The following B4GALT6 variants were observed in gnomAD, a reference collection of about 807,000 sequenced individuals.
B4GALT6 encodes UDP-Gal:beta-GlcNAc beta-1,4-galactosyltransferase 6.
Under a neutral mutation model 46.3 loss-of-function variants are expected in B4GALT6, and 14 were observed. The ratio of observed to expected loss-of-function variants is 0.30; its 90% CI spans 0.20 to 0.47. B4GALT6 has a LOEUF of 0.47. Ranked by LOEUF, B4GALT6 falls within the 20% of genes least tolerant of loss-of-function variation. The probability of loss-of-function intolerance (pLI) is 0.99; values close to 1 mark genes in which losing one functional copy is unlikely to be tolerated. For missense variants in B4GALT6, 386 were observed against 480.1 expected (o/e 0.80, Z 1.83); for synonymous variants, 168 against 162.0 (o/e 1.04, Z -0.28).
intron 3 of B4GALT6, among the ~76,000 whole-genome samples, chr18:31,648,826 G>C (rs2074024188): frequency 6.6e-6 from 1 of 152,164 alleles, no homozygotes; most frequent in Non-Finnish European, 1.5e-5. Flanking sequence ...ATAATCTCCA[G>C]AGAGTTGTTT....
At chr18:31,647,613 C>T (rs1435677720) in intron 3 of B4GALT6, among the ~76,000 whole-genome samples, 4 of 152,142 alleles carry the variant, frequency 2.6e-5, no homozygotes, top group African/African-American at 7.2e-5. Flanking sequence ...AGAGCAACAT[C>T]GCTATACTGG....
chr18:31,647,851 G>A (rs2074010694), intron 3 of B4GALT6, among the ~76,000 whole-genome samples: 3 of 152,144 alleles, frequency 2.0e-5, no homozygotes. Context: ...CCGTCCTTGG[G>A]AAGGACCTCT....
At position 31,646,775 on chromosome 18, in the gene B4GALT6, C is replaced by T. The variant is rs544303194; in HGVS notation, c.347-1296G>A. ...GCCTCTCTTCCTGTCCCCACTTCAT[C>T]CTAACCAGGCAGAGCTGTCTGTAGC... On this transcript the variant is annotated intron_variant, in intron 3 of 8. Transcript: ENST00000306851. 1.1e-4 allele frequency among the ~76,000 whole-genome samples: 17 copies of T among 152,356 alleles called. 1 individual carries two copies. The East Asian group carries it at 2.3e-3, about 21-fold the overall frequency.
Position 31,631,115 on chromosome 18 carries a change from A to G in B4GALT6, c.620T>C (p.Leu207Pro). Residue 207 changes from leucine to proline, a missense_variant, in exon 6 of 9, where the codon CTT becomes CCT. Transcript: ENST00000306851. ...GGCCTCTTTGAAGCCCACATTGAAAAGCATCGCACGGTTAAAAGGTTGTGT... is the reference window on the plus strand; with the variant it reads ...GGCCTCTTTGAAGCCCACATTGAAAGGCATCGCACGGTTAAAAGGTTGTGT... ...TGTQPFNRAM[L>P]FNVGFKEAMK... 6.2e-7 allele frequency: 1 copy of G among 1,614,112 alleles called. No homozygotes were observed. The highest frequency in any genetic ancestry group is 8.5e-7 in the Non-Finnish European group (1 of 1,180,018).
chr18:31,712,287 A>AGTTTTTTTT, the B4GALT6 span, among the ~76,000 whole-genome samples: 1 of 84,642 alleles, frequency 1.2e-5, no homozygotes, highest in Non-Finnish European at 2.1e-5. Context: ...CTGGGACGTT[A>AGTTTTTTTT]TTTTTTTTTT....
the B4GALT6 span, among the ~76,000 whole-genome samples, chr18:31,704,753 A>G: frequency 1.3e-5 from 2 of 152,160 alleles, no homozygotes; most frequent in Non-Finnish European, 2.9e-5. Context: ...TTTTTTTCAT[A>G]TTAAAGTTAA....
the B4GALT6 span, among the ~76,000 whole-genome samples, chr18:31,690,995 G>C: frequency 2.6e-5 from 4 of 151,936 alleles, no homozygotes; most frequent in South Asian, 4.1e-4. Context: ...TCAGTGGGGT[G>C]GGGGGCAAGG....
chr18:31,696,387 G>T, the B4GALT6 span, among the ~76,000 whole-genome samples: 1 of 152,146 alleles, frequency 6.6e-6, no homozygotes, highest in African/African-American at 2.4e-5. Context: ...ATTCCATTTA[G>T]ATTCTCTTGG....
chr18:31,644,849 T>C (rs1244346877), intron 4 of B4GALT6, among the ~76,000 whole-genome samples: 1 of 152,260 alleles, frequency 6.6e-6, no homozygotes, highest in African/African-American at 2.4e-5. Context: ...AGTCCCACAG[T>C]GATCTCTGAG....
chr18:31,665,063 G>T (rs987167131), intron 2 of B4GALT6, among the ~76,000 whole-genome samples: 4 of 152,222 alleles, frequency 2.6e-5, no homozygotes, highest in African/African-American at 9.6e-5. Flanking sequence ...TTTTAGAAGG[G>T]TCTAAAACTA....
At chr18:31,713,511 G>GTGA in the B4GALT6 span, among the ~76,000 whole-genome samples, 4 of 152,122 alleles carry the variant, frequency 2.6e-5, no homozygotes. Context: ...TTTCTGAGAG[G>GTGA]TGAAGGGACT....
the B4GALT6 span, chr18:31,719,008 TC>T: frequency 6.6e-6 from 1 of 152,116 alleles, no homozygotes; most frequent in African/African-American, 2.4e-5. Context: ...TACATGTGCG[TC>T]CCTCCTGAAG....
chr18:31,659,191 C>A (rs2074180929), intron 2 of B4GALT6, among the ~76,000 whole-genome samples: 1 of 152,154 alleles, frequency 6.6e-6, no homozygotes, highest in African/African-American at 2.4e-5. Context: ...TGAAGATATT[C>A]TTTGAATGTT....
At chr18:31,709,599 GTGTGTATATA>G in the B4GALT6 span, among the ~76,000 whole-genome samples, 6 of 80,596 alleles carry the variant, frequency 7.4e-5, no homozygotes, top group African/African-American at 2.3e-4. Context: ...GTGTGTGTGT[GTGTGTATATA>G]TATATCCTTC....
In B4GALT6 at chr18:31,623,488, T is replaced by C. The variant is rs1302620304; in HGVS notation, c.*2126A>G. On this transcript the variant is annotated 3_prime_UTR_variant, in exon 9 of 9. Coordinates refer to ENST00000306851, the MANE Select transcript of B4GALT6 (RefSeq NM_004775.5). ...TAAGTTTTCTTGAAACTGTAAAATA[T>C]ATATAAAAATGAAAAGATACCGAAT... The C allele has an allele frequency of 6.6e-6, 1 of 152,370 alleles. No individual in the cohort carries two copies. The highest frequency in any genetic ancestry group is 1.5e-5 in the Non-Finnish European group (1 of 67,886). 9.4% of individuals were successfully genotyped at this position (152,370 alleles called of 1,614,324 possible).
rs192740801 is a variant in B4GALT6, at chr18:31,627,320, T to G, written c.777-199A>C. Among the ~76,000 whole-genome samples, 17 of 152,178 alleles carry G rather than the reference T, an allele frequency of 1.1e-4. 1 individual carries two copies. In the East Asian group the frequency reaches 2.3e-3, roughly 21 times the overall value. On this transcript the variant is annotated intron_variant, in intron 6 of 8. Coordinates refer to ENST00000306851, the MANE Select transcript of B4GALT6 (RefSeq NM_004775.5). ...AACAAGTACATGTACATGTGTTATGTTAAATGTAAAGCACTTATGGAAACC... is the reference window on the plus strand; with the variant it reads ...AACAAGTACATGTACATGTGTTATGGTAAATGTAAAGCACTTATGGAAACC...
At chr18:31,669,316 T>C (rs1460462332) in intron 1 of B4GALT6, among the ~76,000 whole-genome samples, 1 of 152,230 alleles carries the variant, frequency 6.6e-6, no homozygotes, top group Non-Finnish European at 1.5e-5. Context: ...CATGTCATCC[T>C]TGTGCAGGGG....
chr18:31,644,291 T>C (rs1048488082), intron 4 of B4GALT6, among the ~76,000 whole-genome samples: 4 of 152,234 alleles, frequency 2.6e-5, no homozygotes, highest in African/African-American at 9.6e-5. Flanking sequence ...CTGTGTTTAG[T>C]GCTTACCTTA....
At chr18:31,719,284 G>A in the B4GALT6 span, 10 of 152,388 alleles carry the variant, frequency 6.6e-5, no homozygotes, top group East Asian at 1.7e-3. Context: ...TGTGGGAAGG[G>A]TAGAGCTGAC....
Sources: allele counts gnomAD v4.1 joint callset (sites outside exome capture counted in the v4.1 genomes callset), GRCh38; gene constraint gnomAD v4.1.1; transcripts MANE v1.5; gene names NCBI Gene and HGNC (gene_info 2026-07-23, HGNC 2026-07-21).